Variants in MORN3 observed in about 807,000 individuals in gnomAD.
MORN3 encodes the protein MORN repeat containing 3, also known as MORN repeat-containing protein 3.
Under a neutral mutation model 34.7 loss-of-function variants are expected in MORN3, and 38 were observed. The observed-to-expected ratio is 1.10, with a 90% confidence interval of 0.85 to 1.44. MORN3 has a LOEUF of 1.44. MORN3 is among the 40% of genes most tolerant of loss of function. MORN3 has a pLI of 0.00. For synonymous variants in MORN3, 109 were observed against 115.3 expected (o/e 0.95, Z 0.35); for missense variants, 311 against 321.7 (o/e 0.97, Z 0.25).
chr12:121,662,825 GAGGTC>G (rs778876607), intron 1 of MORN3, among the ~76,000 whole-genome samples: 3 of 151,696 alleles, frequency 2.0e-5, no homozygotes, highest in Non-Finnish European at 2.9e-5. Context: ...CAGATCACCT[GAGGTC>G]AGGAGTTCAA....
intron 1 of MORN3, among the ~76,000 whole-genome samples, chr12:121,667,722 T>C (rs1893810783): frequency 6.6e-6 from 1 of 151,024 alleles, no homozygotes; most frequent in African/African-American, 2.5e-5. Context: ...CCAAGTCTTT[T>C]TTTTTTTCTT....
intron 4 of MORN3, 32 bp downstream of exon 4, chr12:121,653,043 G>A: frequency 6.4e-7 from 1 of 1,569,992 alleles, no homozygotes. Flanking sequence ...CTGTCTGGGT[G>A]TGGCCACAGG....
Position 121,654,275 on chromosome 12 carries a change from C to G in MORN3, c.462G>C (p.Leu154=). The G allele has an allele frequency of 6.4e-7, 1 of 1,564,718 alleles. No individual in the cohort carries two copies. The highest frequency in any genetic ancestry group is 8.6e-7 in the Non-Finnish European group (1 of 1,156,136). Residue 154 remains leucine, a splice_region_variant and synonymous_variant, in exon 3 of 6, where the codon CTG becomes CTC. Transcript: ENST00000355329. ...GGCCGGCGGGGGTGGGGCACTCACTCAGGCGCAGCATGCCCTCCCCGTTGG... is the reference window on the plus strand; with the variant it reads ...GGCCGGCGGGGGTGGGGCACTCACTGAGGCGCAGCATGCCCTCCCCGTTGG... The part of the protein sequence containing the change: ...DKPNGEGMLR[L]KNGNRYEGCW...
chr12:121,672,017 T>C (rs944580729), upstream of MORN3, among the ~76,000 whole-genome samples: 5 of 152,200 alleles, frequency 3.3e-5, no homozygotes, highest in Non-Finnish European at 5.9e-5. Context: ...CATTGGGTGT[T>C]ACTTCACACC....
chr12:121,654,575 T>C, intron 2 of MORN3, 142 bp from the exon 3 acceptor site: 1 of 877,990 alleles, frequency 1.1e-6, no homozygotes, highest in South Asian at 1.9e-5. Flanking sequence ...GGGTCGTGTC[T>C]TAGCGGAGTA....
intron 1 of MORN3, among the ~76,000 whole-genome samples, chr12:121,663,814 TGCCCTTGGGGA>T (rs1369213017): frequency 1.3e-5 from 2 of 152,146 alleles, no homozygotes; most frequent in East Asian, 3.9e-4. Flanking sequence ...TTATTATTTT[TGCCCTTGGGGA>T]GCCCATGGTC....
intron 1 of MORN3, among the ~76,000 whole-genome samples, chr12:121,662,241 T>G (rs568318439): frequency 6.6e-6 from 1 of 151,554 alleles, no homozygotes; most frequent in South Asian, 2.1e-4. Context: ...CTGAGGCAGG[T>G]AAATCACTTG....
In MORN3 at chr12:121,654,442, A is replaced by G. The variant is rs200031434; in HGVS notation, c.304-9T>C. 7 of 1,578,786 alleles carry G rather than the reference A, an allele frequency of 4.4e-6. No homozygotes were observed. In the East Asian group the frequency reaches 1.1e-4, roughly 26 times the overall value. On this transcript the variant is annotated splice_polypyrimidine_tract_variant and intron_variant, in intron 2 of 5. Coordinates refer to ENST00000355329, the MANE Select transcript of MORN3 (RefSeq NM_173855.5). ...AACTGGATCCCATAACCCTGAAAGT[A>G]CGAAGATGCTACTACTCAGGGCGCC... is the stretch of plus-strand genomic sequence containing the variant.
chr12:121,663,906 G>A (rs1322377536), intron 1 of MORN3, among the ~76,000 whole-genome samples: 1 of 151,976 alleles, frequency 6.6e-6, no homozygotes, highest in Non-Finnish European at 1.5e-5. Context: ...CTTCCTCCTG[G>A]TTTTATTTCC....
chr12:121,663,654 C>T (rs1594231859), intron 1 of MORN3, among the ~76,000 whole-genome samples: 1 of 152,128 alleles, frequency 6.6e-6, no homozygotes, highest in Non-Finnish European at 1.5e-5. Flanking sequence ...AAAACAGTAT[C>T]TCATGGGGTT....
At chr12:121,671,670 G>T (rs1277932689), upstream of MORN3, among the ~76,000 whole-genome samples, 2 of 151,282 alleles carry the variant, frequency 1.3e-5, no homozygotes, top group South Asian at 4.2e-4. Context: ...TCACGAGGTC[G>T]GGAGTTCGAG....
chr12:121,670,402 G>A (rs755340139), upstream of MORN3, among the ~76,000 whole-genome samples: 2 of 152,184 alleles, frequency 1.3e-5, no homozygotes, highest in Admixed American at 6.6e-5. Flanking sequence ...GGCAGAGGTT[G>A]CAGTAAGCCG....
intron 1 of MORN3, 87 bp from the exon 2 acceptor site, chr12:121,659,435 C>G: frequency 1.5e-6 from 2 of 1,351,044 alleles, no homozygotes; most frequent in Non-Finnish European, 2.1e-6. Flanking sequence ...GGGCCCCCAA[C>G]TAGACGAATC....
At position 121,653,223 on chromosome 12, in the gene MORN3, C is replaced by T; in HGVS notation, c.500G>A (p.Gly167Asp). The T allele has an allele frequency of 6.2e-7, 1 of 1,614,172 alleles. No homozygotes were observed. Residue 167 changes from glycine (G) to aspartate (D), a missense_variant, in exon 4 of 6, where the codon GGC (glycine) becomes GAC (aspartate). Physicochemically the swap from Gly to Asp is moderately conservative, Grantham distance 94. Coordinates refer to ENST00000355329, the MANE Select transcript of MORN3 (RefSeq NM_173855.5). ...GAAACGCCCCGCCCCGTTCTTCATGCCTCTCTCCCAGCAGCCCTCGTAGCG... is the reference window on the plus strand; with the variant it reads ...GAAACGCCCCGCCCCGTTCTTCATGTCTCTCTCCCAGCAGCCCTCGTAGCG... ...GNRYEGCWER[G>D]MKNGAGRFFH... is the part of the protein sequence containing the mutation.
intron 2 of MORN3, among the ~76,000 whole-genome samples, chr12:121,654,754 C>T (rs1187941017): frequency 1.3e-5 from 2 of 151,684 alleles, no homozygotes; most frequent in South Asian, 2.1e-4. Context: ...CGCATCACCA[C>T]GCCCTGCTAA....
In MORN3 at chr12:121,653,334, A is replaced by T. The variant is rs1022742479; in HGVS notation, c.464-75T>A. ...AGACCCCCAGGGGTCGCTCTTCCAG[A>T]GCTCAGTGCAAATCCTAACACATTG... On this transcript the variant is annotated intron_variant, in intron 3 of 5. Coordinates refer to ENST00000355329, the MANE Select transcript of MORN3 (RefSeq NM_173855.5). The T allele has an allele frequency of 7.5e-6, 11 of 1,475,156 alleles. No homozygotes were observed. The African/African-American group carries it at 1.5e-4, about 21-fold the overall frequency. The allele number at this position is 1,475,156 out of a possible 1,614,324, so 91.4% of individuals were successfully genotyped here.
intron 2 of MORN3, among the ~76,000 whole-genome samples, chr12:121,656,685 T>G (rs537863623): frequency 5.9e-5 from 9 of 152,066 alleles, no homozygotes; most frequent in South Asian, 2.1e-4. Context: ...CTAATTTTTT[T>G]TGTGTTTTTT....
At chr12:121,671,198 G>A (rs1893957831), upstream of MORN3, among the ~76,000 whole-genome samples, 1 of 150,818 alleles carries the variant, frequency 6.6e-6, no homozygotes, top group African/African-American at 2.4e-5. Context: ...ACGAGGTCAG[G>A]AGATTGAGAC....
At chr12:121,671,458 T>C (rs571623127), upstream of MORN3, among the ~76,000 whole-genome samples, 2 of 150,312 alleles carry the variant, frequency 1.3e-5, no homozygotes, top group African/African-American at 4.9e-5. Flanking sequence ...TTATTATAAA[T>C]AGAAAACCAG....
Sources: gnomAD v4.1 joint callset for allele counts (sites outside exome capture counted in the v4.1 genomes callset) on GRCh38, gnomAD v4.1.1 for gene constraint, MANE v1.5 for transcripts, NCBI Gene and HGNC (gene_info 2026-07-23, HGNC 2026-07-21) for gene names.